ESR2: variants seen among roughly 807,000 people sequenced by gnomAD.
ESR2 encodes estrogen receptor beta.
In ESR2, 36 loss-of-function variants were observed where a neutral mutation model predicts 49.6. The observed-to-expected ratio is 0.73, with a 90% CI of 0.56 to 0.96. ESR2 has a LOEUF of 0.96. Among genes scored for constraint, ESR2 ranks in the 40% least tolerant of loss-of-function variants. The probability of loss-of-function intolerance (pLI) is 0.00; values close to 1 mark genes in which losing one functional copy is unlikely to be tolerated. For missense variants in ESR2, 714 were observed against 693.0 expected (o/e 1.03, Z -0.34); for synonymous variants, 320 against 266.1 (o/e 1.20, Z -1.97).
intron 7 of ESR2, among the ~76,000 whole-genome samples, chr14:64,246,841 G>A (rs1164501112): frequency 6.8e-6 from 1 of 146,710 alleles, no homozygotes; most frequent in Non-Finnish European, 1.5e-5. Flanking sequence ...ATGTTATTCT[G>A]TAAAAGGTGA....
intron 5 of ESR2, 127 bp from the exon 6 acceptor site, chr14:64,257,491 A>G (rs2076127861): frequency 8.4e-7 from 1 of 1,193,948 alleles, no homozygotes; most frequent in African/African-American, 1.5e-5. Flanking sequence ...GATATTTTAT[A>G]GATGTGATTA....
chr14:64,262,638 A>C (rs1256046), intron 4 of ESR2, among the ~76,000 whole-genome samples: 99,246 of 151,566 alleles, frequency 0.65, 34,099 homozygotes, highest in African/African-American at 0.88. Context: ...GTAATCCCAG[A>C]ACTTTAGGAG....
Position 64,229,994 on chromosome 14 carries a change from C to T in ESR2, c.*3143G>A, listed in dbSNP as rs1163425502. On this transcript the variant is annotated 3_prime_UTR_variant, in exon 9 of 9. Coordinates refer to ENST00000341099, the MANE Select transcript of ESR2 (RefSeq NM_001437.3). ...AGGAGTTCAGGACCAGCCTGGGGAG[C>T]ATAGTAAAACCCCATCTCTACAAAT... Among the ~76,000 whole-genome samples, 1 of 151,664 alleles carries T rather than the reference C, an allele frequency of 6.6e-6. No individual in the cohort carries two copies. Among genetic ancestry groups the T allele is most frequent in the Non-Finnish European group, 1.5e-5 (1 of 67,944 alleles).
intron 5 of ESR2, 32 bp downstream of exon 5, chr14:64,260,417 T>C (rs764976447): frequency 6.6e-6 from 10 of 1,522,720 alleles, no homozygotes; most frequent in South Asian, 1.3e-5. Context: ...TTTCTACAAG[T>C]ACATGGAAAA....
intron 4 of ESR2, among the ~76,000 whole-genome samples, chr14:64,264,008 C>T (rs2076273274): frequency 6.6e-6 from 1 of 152,100 alleles, no homozygotes; most frequent in East Asian, 1.9e-4. Flanking sequence ...GCACCAACAT[C>T]TTTATAAGTT....
In ESR2 at chr14:64,326,157, C is replaced by T. The variant is rs191919845; in HGVS notation, c.-91+11741G>A. ...GATTACATTAAAAAGTGGTTATAGTCGAAGGAATTTGAAGAACACTTCCTC... is the reference window on the plus strand; with the variant it reads ...GATTACATTAAAAAGTGGTTATAGTTGAAGGAATTTGAAGAACACTTCCTC... On this transcript the variant is annotated intron_variant, in intron 1 of 8. Transcript: ENST00000358599. Among the ~76,000 whole-genome samples the T allele has an allele frequency of 3.5e-3, 539 of 152,228 alleles. 2 individuals are homozygous for T. Among genetic ancestry groups the T allele is most frequent in the Non-Finnish European group, 6.0e-3 (409 of 68,008 alleles).
At chr14:64,308,642 G>C (rs1244216526) in intron 1 of ESR2, among the ~76,000 whole-genome samples, 1 of 151,944 alleles carries the variant, frequency 6.6e-6, no homozygotes, top group African/African-American at 2.4e-5. Flanking sequence ...TGTGTATTCT[G>C]CTATTGTTAA....
intron 1 of ESR2, among the ~76,000 whole-genome samples, chr14:64,303,188 C>T (rs1240378602): frequency 6.6e-6 from 1 of 152,190 alleles, no homozygotes; most frequent in Non-Finnish European, 1.5e-5. Flanking sequence ...GGAATAACTA[C>T]ACTCCAGATT....
At chr14:64,337,782 T>G (rs1014745270) in intron 1 of ESR2, 6 of 152,224 alleles carry the variant, frequency 3.9e-5, no homozygotes, top group African/African-American at 1.4e-4. Context: ...CCCCAAATTT[T>G]TTTAAAAGTC....
chr14:64,253,604 G>GTGTGTATATGTATGTGTGTGTGTA (rs375688515), intron 6 of ESR2, among the ~76,000 whole-genome samples: 37 of 142,896 alleles, frequency 2.6e-4, no homozygotes, highest in African/African-American at 9.4e-4. Flanking sequence ...GTGTGTGTGT[G>GTGTGTATATGTATGTGTGTGTGTA]TATGTATGTG....
chr14:64,282,960 C>T lies in ESR2; in HGVS notation c.26G>A (p.Ser9Asn). 1.2e-6 allele frequency: 2 copies of T among 1,613,092 alleles called. No individual in the cohort carries two copies. Among genetic ancestry groups the T allele is most frequent in the African/African-American group, 1.3e-5 (1 of 74,998 alleles). The change falls in exon 2 of 9, where the codon AGC becomes AAC. Residue 9 changes from serine (S) to asparagine (N), a missense_variant. Ser to Asn is a conservative substitution (Grantham distance 46). Transcript: ENST00000341099. MDIKNSPS[S>N]LNSPSSYNCS... The stretch of plus-strand genomic sequence containing the variant: ...GTTGTAGGAGGAAGGAGAATTAAGG[C>T]TAGATGGTGAGTTTTTTATATCCAT...
chr14:64,289,981 C>T (rs1445349438), intron 1 of ESR2, among the ~76,000 whole-genome samples: 3 of 152,124 alleles, frequency 2.0e-5, no homozygotes, highest in Non-Finnish European at 4.4e-5. Flanking sequence ...CACAAAGCAG[C>T]AACTAGAAGG....
At chr14:64,307,132 A>T (rs904475159) in intron 1 of ESR2, among the ~76,000 whole-genome samples, 9 of 151,734 alleles carry the variant, frequency 5.9e-5, no homozygotes, top group African/African-American at 2.2e-4. Flanking sequence ...CATTCCTGAT[A>T]TTTGCAATTT....
chr14:64,316,119 C>A (rs2077251832), intron 1 of ESR2, among the ~76,000 whole-genome samples: 1 of 152,130 alleles, frequency 6.6e-6, no homozygotes, highest in Non-Finnish European at 1.5e-5. Context: ...AAGACATCTT[C>A]CCACCTCAGC....
chr14:64,259,079 G>A (rs2076159840), intron 5 of ESR2, among the ~76,000 whole-genome samples: 1 of 152,226 alleles, frequency 6.6e-6, no homozygotes, highest in Non-Finnish European at 1.5e-5. Context: ...GTGTGGTCCT[G>A]CAAAATCGTG....
At chr14:64,329,714 A>C (rs902382245) in intron 1 of ESR2, 1 of 152,226 alleles carries the variant, frequency 6.6e-6, no homozygotes, top group South Asian at 2.1e-4. Context: ...ACATATTTGG[A>C]TCTTGCTTTG....
At chr14:64,280,604 A>T (rs1409750878) in intron 2 of ESR2, among the ~76,000 whole-genome samples, 1 of 152,274 alleles carries the variant, frequency 6.6e-6, no homozygotes, top group Non-Finnish European at 1.5e-5. Flanking sequence ...ACTTCCAAAC[A>T]TCAGTCATTC....
At position 64,313,530 on chromosome 14, in the gene ESR2, C is replaced by CAAAA. The variant is rs60380584; in HGVS notation, c.-91+24364_-91+24367dup. Among the ~76,000 whole-genome samples the CAAAA allele has an allele frequency of 2.0e-3, 214 of 107,444 alleles. 1 individual carries two copies. Among genetic ancestry groups the CAAAA allele is most frequent in the African/African-American group, 6.6e-3 (191 of 28,842 alleles). 70.5% of individuals were successfully genotyped at this position (107,444 alleles called of 152,430 possible). A position where few individuals can be genotyped will look rare whatever the true frequency, so the allele number is the denominator to read the frequency against. On this transcript the variant is annotated intron_variant, in intron 1 of 8. Transcript: ENST00000358599. ...GCCTGGGGCAACAGTGAGGCTCTGT[C>CAAAA]AAAAAAAAAAAAAAAGAAAAGAAAA...
intron 1 of ESR2, among the ~76,000 whole-genome samples, chr14:64,314,492 G>A (rs1366754474): frequency 6.7e-6 from 1 of 148,548 alleles, no homozygotes; most frequent in Non-Finnish European, 1.5e-5. Flanking sequence ...GCAGAAGGAA[G>A]GAAATAATAA....
Sources: gnomAD v4.1 joint callset for allele counts (sites outside exome capture counted in the v4.1 genomes callset) on GRCh38, gnomAD v4.1.1 for gene constraint, MANE v1.5 for transcripts, NCBI Gene and HGNC (gene_info 2026-07-23, HGNC 2026-07-21) for gene names.